TMEM120B: variants seen among roughly 807,000 people sequenced by gnomAD.
TMEM120B encodes the protein transmembrane protein 120B.
A neutral mutation model predicts 55.5 loss-of-function variants in TMEM120B; 31 were observed. That is an observed-to-expected ratio of 0.56 (90% CI 0.42 to 0.75). TMEM120B has a LOEUF of 0.75. Ranked by LOEUF, TMEM120B falls within the 30% of genes least tolerant of loss-of-function variation. The pLI, the probability that TMEM120B is intolerant of heterozygous loss-of-function variation, is 0.00. For synonymous variants in TMEM120B, 203 were observed against 176.3 expected (o/e 1.15, Z -1.20); for missense variants, 399 against 425.5 (o/e 0.94, Z 0.55).
At chr12:121,713,308 C>T (rs1012559073) in intron 1 of TMEM120B, among the ~76,000 whole-genome samples, 1 of 152,134 alleles carries the variant, frequency 6.6e-6, no homozygotes, top group Admixed American at 6.6e-5. Context: ...GCCCAGCCCC[C>T]ACCTCTGCAG....
intron 4 of TMEM120B, among the ~76,000 whole-genome samples, chr12:121,750,860 A>C (rs1592938289): frequency 1.3e-5 from 1 of 74,410 alleles, no homozygotes; most frequent in African/African-American, 5.5e-5. Flanking sequence ...CCATACCCAC[A>C]CCCCACACCC....
chr12:121,753,385 A>G (rs1456878194), intron 5 of TMEM120B, among the ~76,000 whole-genome samples: 3 of 152,140 alleles, frequency 2.0e-5, no homozygotes. Flanking sequence ...AGCCTGGGCA[A>G]CATGGTCAAA....
intron 1 of TMEM120B, among the ~76,000 whole-genome samples, chr12:121,720,738 T>C (rs1894776447): frequency 6.6e-6 from 1 of 151,934 alleles, no homozygotes; most frequent in South Asian, 2.1e-4. Flanking sequence ...AAGGAATCTC[T>C]TGAAAGTTTA....
intron 1 of TMEM120B, among the ~76,000 whole-genome samples, chr12:121,726,246 A>C (rs377370861): frequency 6.6e-5 from 10 of 152,008 alleles, no homozygotes; most frequent in African/African-American, 2.2e-4. Context: ...AAATGGGTGA[A>C]TTGTATGGCA....
At chr12:121,716,311 A>C (rs79794869) in intron 1 of TMEM120B, among the ~76,000 whole-genome samples, 10 of 138,858 alleles carry the variant, frequency 7.2e-5, no homozygotes, top group Admixed American at 3.6e-4. Context: ...CTCTCTCTCA[A>C]AAAAAAAAAA....
At chr12:121,732,000 G>A (rs1895012352) in intron 1 of TMEM120B, among the ~76,000 whole-genome samples, 5 of 152,186 alleles carry the variant, frequency 3.3e-5, no homozygotes, top group Admixed American at 3.3e-4. Flanking sequence ...AGCTGGGCGT[G>A]GTGGCGGGCG....
intron 2 of TMEM120B, among the ~76,000 whole-genome samples, chr12:121,744,274 A>G (rs933374175): frequency 2.0e-5 from 3 of 152,082 alleles, no homozygotes; most frequent in Non-Finnish European, 4.4e-5. Flanking sequence ...TTCAGTCCTC[A>G]TTGGCTGGGA....
intron 5 of TMEM120B, among the ~76,000 whole-genome samples, chr12:121,754,184 C>T (rs1470009787): frequency 1.3e-5 from 2 of 152,258 alleles, no homozygotes; most frequent in Non-Finnish European, 2.9e-5. Context: ...TCGCCTGCTG[C>T]CCAGAGCCTG....
At chr12:121,773,590 C>A in intron 9 of TMEM120B, 77 bp downstream of exon 9, 1 of 1,128,690 alleles carries the variant, frequency 8.9e-7, no homozygotes, top group Non-Finnish European at 1.2e-6. Flanking sequence ...TGCAGCCCTG[C>A]GAGCACCTCC....
chr12:121,768,544 G>A (rs1420218119), intron 6 of TMEM120B, among the ~76,000 whole-genome samples: 4 of 152,178 alleles, frequency 2.6e-5, no homozygotes, highest in Non-Finnish European at 5.9e-5. Context: ...GCGTGTGTGT[G>A]GACCCATTTC....
intron 7 of TMEM120B, 57 bp downstream of exon 7, chr12:121,771,029 G>T: frequency 1.3e-6 from 2 of 1,574,256 alleles, no homozygotes; most frequent in African/African-American, 1.3e-5. Context: ...CCTGGGGCCC[G>T]GGAATGGGGA....
intron 3 of TMEM120B, among the ~76,000 whole-genome samples, 191 bp from the exon 4 acceptor site, chr12:121,750,189 G>A (rs895679569): frequency 2.0e-5 from 3 of 151,894 alleles, no homozygotes; most frequent in African/African-American, 7.3e-5. Flanking sequence ...ACACTGTCCT[G>A]TCACAGGTTA....
intron 1 of TMEM120B, among the ~76,000 whole-genome samples, chr12:121,724,889 T>C (rs1225660225): frequency 6.6e-6 from 1 of 152,042 alleles, no homozygotes; most frequent in Non-Finnish European, 1.5e-5. Context: ...GGATTACAGG[T>C]GTGAGCCACC....
chr12:121,769,400 C>T (rs1191650721), intron 6 of TMEM120B, among the ~76,000 whole-genome samples: 2 of 152,168 alleles, frequency 1.3e-5, no homozygotes, highest in Non-Finnish European at 2.9e-5. Flanking sequence ...AATGTCATAG[C>T]TGCAGTCCTG....
At position 121,773,550 on chromosome 12, in the gene TMEM120B, A is replaced by G. The variant is rs757741447; in HGVS notation, c.772+37A>G. The G allele has an allele frequency of 2.0e-5, 30 of 1,489,824 alleles. No individual in the cohort carries two copies. The Admixed American group carries it at 6.3e-4, about 31-fold the overall frequency. The allele number at this position is 1,489,824 out of a possible 1,614,324, so 92.3% of individuals were successfully genotyped here. A position where few individuals can be genotyped will look rare whatever the true frequency, so the allele number is the denominator to read the frequency against. ...GGCCTGGGTTGGAGCCGGGGCAGGTACTGGACCTGCCAGCTCCCCACACCG... is the reference window on the plus strand; with the variant it reads ...GGCCTGGGTTGGAGCCGGGGCAGGTGCTGGACCTGCCAGCTCCCCACACCG... On this transcript the variant is annotated intron_variant, in intron 9 of 11. Coordinates refer to ENST00000449592, the MANE Select transcript of TMEM120B (RefSeq NM_001080825.2).
chr12:121,737,563 G>C (rs1872788272), intron 1 of TMEM120B, among the ~76,000 whole-genome samples: 1 of 152,068 alleles, frequency 6.6e-6, no homozygotes, highest in Admixed American at 6.6e-5. Context: ...TGGGACTCAG[G>C]TTAGTTTGGT....
rs1183118087 is a variant in TMEM120B at position 121,776,743 on chromosome 12, A to C, written c.*1021A>C. 6.6e-6 allele frequency: 1 copy of C among 152,214 alleles called. No individual in the cohort carries two copies. The highest frequency in any genetic ancestry group is 2.4e-5 in the African/African-American group (1 of 41,438). 9.4% of individuals were successfully genotyped at this position (152,214 alleles called of 1,614,324 possible). ...AAATCCCTAGGCCAGACCTCACAGC[A>C]GTGCCCACAGGCATGCCTTGTTTAG... is the stretch of plus-strand genomic sequence containing the variant. On this transcript the variant is annotated 3_prime_UTR_variant, in exon 12 of 12. Transcript: ENST00000449592.
At chr12:121,737,447 G>A (rs896064948) in intron 1 of TMEM120B, among the ~76,000 whole-genome samples, 2 of 152,030 alleles carry the variant, frequency 1.3e-5, no homozygotes, top group South Asian at 2.1e-4. Context: ...GGAGGTTGCA[G>A]TAAGCCGAGA....
chr12:121,765,818 C>A (rs1873828525), intron 6 of TMEM120B, among the ~76,000 whole-genome samples: 1 of 152,140 alleles, frequency 6.6e-6, no homozygotes, highest in Non-Finnish European at 1.5e-5. Context: ...ATCCTGGGGG[C>A]AGGCAAGGGA....
Sources: gnomAD v4.1 joint callset for allele counts (sites outside exome capture counted in the v4.1 genomes callset) on GRCh38, gnomAD v4.1.1 for gene constraint, MANE v1.5 for transcripts, NCBI Gene and HGNC (gene_info 2026-07-23, HGNC 2026-07-21) for gene names.